The following CHD7 variants were observed in gnomAD, a reference collection of about 807,000 sequenced individuals.
CHD7 encodes chromodomain helicase DNA binding protein 7.
Under a neutral mutation model 307.3 loss-of-function variants are expected in CHD7, and 24 were observed. That is an observed-to-expected ratio of 0.08 (90% confidence interval 0.06 to 0.11). CHD7 has a LOEUF of 0.11. Ranked by LOEUF, CHD7 falls within the 10% of genes least tolerant of loss-of-function variation. The pLI, the probability that CHD7 is intolerant of heterozygous loss-of-function variation, is 1.00. For synonymous variants in CHD7, 1,363 were observed against 1,349.9 expected (o/e 1.01, Z -0.21); for missense variants, 3,106 against 3,727.1 (o/e 0.83, Z 4.34).
At chr8:60,830,250 G>A (rs962957070) in intron 14 of CHD7, 72 bp from the exon 15 acceptor site, 6 of 1,444,886 alleles carry the variant, frequency 4.2e-6, no homozygotes, top group Non-Finnish European at 3.8e-6. Context: ...TAATCCTGAT[G>A]TTTCATGTTA....
chr8:60,833,433 G>A (rs769329475), intron 15 of CHD7, among the ~76,000 whole-genome samples: 10 of 152,216 alleles, frequency 6.6e-5, no homozygotes, highest in Admixed American at 1.3e-4. Flanking sequence ...GGCAGGAGGC[G>A]TGTAGAGGAA....
At position 60,708,328 on chromosome 8, in the gene CHD7, A is replaced by T. The variant is rs143628069; in HGVS notation, c.-175+29246A>T. Among the ~76,000 whole-genome samples the T allele has an allele frequency of 1.4e-3, 210 of 152,274 alleles. 2 individuals carry two copies. The highest frequency in any genetic ancestry group is 4.6e-3 in the African/African-American group (191 of 41,550). ...CATCTCTGACTTTCTCTCCTGTTGC[A>T]ATCCTCTGTATCCAGAATGTTGGCA... On this transcript the variant is annotated intron_variant, in intron 1 of 37. Transcript: ENST00000423902.
At position 60,742,069 on chromosome 8, in the gene CHD7, T is replaced by G. The variant is rs1443483036; in HGVS notation, c.637T>G (p.Phe213Val). ...HGQPQQRMSQ[F>V]SQGQEGLNQG... ...TCAGCCACAGCAGAGGATGAGCCAG[T>G]TTTCCCAAGGCCAAGAGGGCCTCAA... The change falls in exon 2 of 38, where the codon TTT becomes GTT. Residue 213 changes from phenylalanine (F) to valine (V), a missense_variant. This residue lies in a region of CHD7 where 998 missense variants were observed against 1,004.5 expected (regional missense o/e 0.99). Transcript: ENST00000423902. The G allele has an allele frequency of 6.2e-7, 1 of 1,613,860 alleles. No individual in the cohort carries two copies. Among genetic ancestry groups the G allele is most frequent in the South Asian group, 1.1e-5 (1 of 91,088 alleles).
chr8:60,852,864 A>T lies in CHD7; in HGVS notation c.6139A>T (p.Thr2047Ser), dbSNP rs774344042. The T allele has an allele frequency of 6.2e-7, 1 of 1,613,862 alleles. No individual in the cohort carries two copies. The highest frequency in any genetic ancestry group is 8.5e-7 in the Non-Finnish European group (1 of 1,179,794). The change falls in exon 31 of 38, where the codon ACA becomes TCA. Residue 2047 changes from threonine (T) to serine (S), a missense_variant. Coordinates refer to ENST00000423902, the MANE Select transcript of CHD7 (RefSeq NM_017780.4). ...PDLSSIIEPI[T>S]EERASRTLYR... ...CCTCTCCTCCATAATTGAGCCGATC[A>T]CAGAGGAGCGAGCCTCTCGAACTCT...
intron 2 of CHD7, among the ~76,000 whole-genome samples, chr8:60,745,770 C>T (rs1274898972): frequency 6.6e-6 from 1 of 152,156 alleles, no homozygotes; most frequent in East Asian, 1.9e-4. Context: ...GACCCCAGCT[C>T]TATTGCTTAT....
At position 60,850,541 on chromosome 8, in the gene CHD7, T is replaced by G; in HGVS notation, c.5453T>G (p.Leu1818Arg). 1 of 1,613,616 alleles carries G rather than the reference T, an allele frequency of 6.2e-7. No homozygotes were observed. The highest frequency in any genetic ancestry group is 8.5e-7 in the Non-Finnish European group (1 of 1,179,728). ...SMRADPALCF[L>R]ERVGMPDAKA... Reference sequence around the variant, plus strand: ...CGAGCTGACCCCGCGCTGTGCTTTCTGGAACGAGTCGGTATGCCTGATGCC... The same window carrying G: ...CGAGCTGACCCCGCGCTGTGCTTTCGGGAACGAGTCGGTATGCCTGATGCC... The change falls in exon 26 of 38, where the codon CTG becomes CGG. Residue 1818 changes from leucine to arginine, a missense_variant. Leu to Arg is a moderately radical substitution (Grantham distance 102). Transcript: ENST00000423902.
chr8:60,799,153 C>CA (rs1295112140), intron 4 of CHD7, among the ~76,000 whole-genome samples: 1 of 152,218 alleles, frequency 6.6e-6, no homozygotes, highest in Non-Finnish European at 1.5e-5. Context: ...TAAATAGATA[C>CA]ACAACATTTT....
chr8:60,823,411 A>T (rs943129258), intron 12 of CHD7, among the ~76,000 whole-genome samples: 1 of 151,348 alleles, frequency 6.6e-6, no homozygotes, highest in African/African-American at 2.4e-5. Context: ...AGATAGATAG[A>T]TAGATAGATA....
At chr8:60,788,714 G>GC (rs1274245044) in intron 3 of CHD7, among the ~76,000 whole-genome samples, 8 of 152,208 alleles carry the variant, frequency 5.3e-5, no homozygotes, top group Non-Finnish European at 7.3e-5. Context: ...CAGGATTGCA[G>GC]ACATCTGGGC....
At chr8:60,769,481 G>A (rs923948995) in intron 2 of CHD7, among the ~76,000 whole-genome samples, 5 of 152,152 alleles carry the variant, frequency 3.3e-5, no homozygotes, top group African/African-American at 1.2e-4. Flanking sequence ...GTGTACCTCT[G>A]CCCTTATAGT....
At chr8:60,699,733 C>T (rs913862533) in intron 1 of CHD7, among the ~76,000 whole-genome samples, 26 of 152,282 alleles carry the variant, frequency 1.7e-4, no homozygotes, top group African/African-American at 6.0e-4. Context: ...CCCATGCTCC[C>T]AGACTTCACG....
chr8:60,865,935 C>T lies in CHD7; in HGVS notation c.*2C>T, dbSNP rs755209060. ...GAAAACAATGAAAATGATGAATAAC[C>T]AGTACCAGTTCCAGTTCAAGTGTTT... On this transcript the variant is annotated 3_prime_UTR_variant, in exon 38 of 38. Transcript: ENST00000423902. The surrounding 1 kb of genome is among the most constrained non-coding windows in gnomAD (Gnocchi z 4.3). 1 of 1,592,572 alleles carries T rather than the reference C, an allele frequency of 6.3e-7. No homozygotes were observed. The highest frequency in any genetic ancestry group is 1.1e-5 in the South Asian group (1 of 87,520).
chr8:60,745,561 A>T (rs929430184), intron 2 of CHD7, among the ~76,000 whole-genome samples: 1 of 152,194 alleles, frequency 6.6e-6, no homozygotes, highest in Non-Finnish European at 1.5e-5. Context: ...CTTTACAGGG[A>T]TGTAAACTAG....
chr8:60,804,000 C>T (rs1812433470), intron 6 of CHD7, among the ~76,000 whole-genome samples: 1 of 152,102 alleles, frequency 6.6e-6, no homozygotes, highest in South Asian at 2.1e-4. Context: ...AGTGGAGACT[C>T]CATGTTTTTC....
chr8:60,736,268 A>G (rs190634762), intron 1 of CHD7, among the ~76,000 whole-genome samples: 46 of 151,950 alleles, frequency 3.0e-4, no homozygotes, highest in Non-Finnish European at 5.3e-4. Flanking sequence ...GATGTTCCCA[A>G]GTGGCTGTTG....
intron 23 of CHD7, among the ~76,000 whole-genome samples, chr8:60,847,544 G>T (rs567366312): frequency 1.3e-5 from 2 of 152,322 alleles, no homozygotes; most frequent in Admixed American, 1.3e-4. Flanking sequence ...GGATTATTCA[G>T]CTGGGGAAAT....
At chr8:60,696,874 C>T (rs1806506113) in intron 1 of CHD7, among the ~76,000 whole-genome samples, 1 of 149,914 alleles carries the variant, frequency 6.7e-6, no homozygotes, top group South Asian at 2.1e-4. Flanking sequence ...GATTGCTTGG[C>T]AGTTTTGGCT....
At chr8:60,852,362 C>G in intron 29 of CHD7, 115 bp downstream of exon 29, 1 of 1,284,474 alleles carries the variant, frequency 7.8e-7, no homozygotes, top group Non-Finnish European at 1.1e-6. Flanking sequence ...AAGAAAGGCT[C>G]GCTCCAACAA....
chr8:60,863,229 G>GT (rs1284669927), intron 37 of CHD7: 2 of 150,800 alleles, frequency 1.3e-5, no homozygotes, highest in Non-Finnish European at 2.9e-5. Flanking sequence ...ACCACCCCGA[G>GT]TTCCCTCACA....
Sources: gnomAD v4.1 joint callset for allele counts (sites outside exome capture counted in the v4.1 genomes callset) on GRCh38, gnomAD v4.1.1 for gene constraint, gnomAD v4.1.1 regional missense constraint, Gnocchi (gnomAD v3.1) non-coding constraint, MANE v1.5 for transcripts, NCBI Gene and HGNC (gene_info 2026-07-23, HGNC 2026-07-21) for gene names.